Variants in SORCS1 observed in about 807,000 individuals in gnomAD.
SORCS1 encodes VPS10 domain-containing receptor SorCS1.
A neutral mutation model predicts 146.1 loss-of-function variants in SORCS1; 60 were observed. That is an observed-to-expected ratio of 0.41 (90% CI 0.33 to 0.51). SORCS1 has a LOEUF of 0.51. Among genes scored for constraint, SORCS1 ranks in the 20% least tolerant of loss-of-function variants. SORCS1 has a pLI of 0.21. For missense variants in SORCS1, 1,352 were observed against 1,487.6 expected, an observed-to-expected ratio of 0.91 and a Z score of 1.50; for synonymous variants, 637 against 584.0, an observed-to-expected ratio of 1.09 and a Z score of -1.31.
rs574963377 is a variant in SORCS1, at chr10:106,622,694, T to C, written c.2663-2133A>G. Among the ~76,000 whole-genome samples the C allele has an allele frequency of 1.2e-4, 18 of 152,338 alleles. No homozygotes were observed. The South Asian group carries it at 2.7e-3, about 23-fold the overall frequency. ...TTACTGAGCGATGACTACAACTAAA[T>C]GTTCTGCTAACGACTCTGTTTTTCT... On this transcript the variant is annotated intron_variant, in intron 19 of 25. Coordinates refer to ENST00000263054, the MANE Select transcript of SORCS1 (RefSeq NM_052918.5).
intron 2 of SORCS1, among the ~76,000 whole-genome samples, chr10:106,928,412 C>A (rs1953198884): frequency 6.6e-6 from 1 of 152,220 alleles, no homozygotes; most frequent in African/African-American, 2.4e-5. Flanking sequence ...AAGCCCGCGC[C>A]CACCCGGAAC....
intron 23 of SORCS1, among the ~76,000 whole-genome samples, chr10:106,598,080 A>G (rs1387586903): frequency 1.3e-5 from 2 of 152,068 alleles, no homozygotes; most frequent in South Asian, 2.1e-4. Context: ...GCACGGGGCA[A>G]ATAACTTCAT....
At chr10:106,780,026 C>G (rs561019674) in intron 3 of SORCS1, among the ~76,000 whole-genome samples, 14 of 151,986 alleles carry the variant, frequency 9.2e-5, no homozygotes, top group South Asian at 8.3e-4. Flanking sequence ...GTTTGTCCTA[C>G]CATTTTATCA....
intron 2 of SORCS1, among the ~76,000 whole-genome samples, chr10:106,907,789 TG>T (rs1360439826): frequency 1.3e-5 from 2 of 151,694 alleles, no homozygotes; most frequent in African/African-American, 4.8e-5. Context: ...TAGCCAGGCA[TG>T]GTGGTGCGCA....
chr10:106,603,206 G>A (rs1204269325), intron 23 of SORCS1, among the ~76,000 whole-genome samples: 4 of 152,078 alleles, frequency 2.6e-5, no homozygotes, highest in Non-Finnish European at 4.4e-5. Context: ...TGAGGACTCC[G>A]AGGGGAGCAA....
intron 1 of SORCS1, among the ~76,000 whole-genome samples, chr10:107,150,040 A>T (rs1430454588): frequency 6.6e-6 from 1 of 152,218 alleles, no homozygotes; most frequent in Non-Finnish European, 1.5e-5. Flanking sequence ...CTTTGCTCCC[A>T]TAGCACTTTG....
At chr10:106,714,135 CAAAAAAAAA>C (rs56275056) in intron 6 of SORCS1, among the ~76,000 whole-genome samples, 28 of 53,094 alleles carry the variant, frequency 5.3e-4, no homozygotes, top group African/African-American at 1.5e-3. Flanking sequence ...AACTCTGCCT[CAAAAAAAAA>C]AAAAAAAAAA....
intron 24 of SORCS1, among the ~76,000 whole-genome samples, chr10:106,591,162 G>A (rs892241132): frequency 1.3e-5 from 2 of 152,180 alleles, no homozygotes; most frequent in Non-Finnish European, 1.5e-5. Flanking sequence ...CCAGTGGCCA[G>A]AGCAATAAAA....
intron 2 of SORCS1, among the ~76,000 whole-genome samples, chr10:106,903,148 C>A (rs1182522460): frequency 1.3e-5 from 2 of 152,196 alleles, no homozygotes; most frequent in East Asian, 3.8e-4. Flanking sequence ...TTGCCTAATT[C>A]ATCCTCCAAA....
intron 2 of SORCS1, 137 bp downstream of exon 2, chr10:106,956,376 G>C: frequency 2.8e-6 from 2 of 724,484 alleles, no homozygotes; most frequent in Non-Finnish European, 4.6e-6. Context: ...ATCACTAAAG[G>C]AAACAGAGAA....
At chr10:107,133,456 G>T (rs566853039) in intron 1 of SORCS1, among the ~76,000 whole-genome samples, 1 of 152,096 alleles carries the variant, frequency 6.6e-6, no homozygotes, top group Non-Finnish European at 1.5e-5. Flanking sequence ...GTAGAATGCC[G>T]GAGAAGGTCA....
At chr10:106,997,466 G>A (rs1957046089) in intron 1 of SORCS1, among the ~76,000 whole-genome samples, 1 of 152,064 alleles carries the variant, frequency 6.6e-6, no homozygotes, top group African/African-American at 2.4e-5. Context: ...TGCTGCTACA[G>A]AACAATTCTC....
intron 18 of SORCS1, among the ~76,000 whole-genome samples, chr10:106,636,433 T>C (rs1432871334): frequency 3.3e-5 from 5 of 152,186 alleles, no homozygotes; most frequent in Non-Finnish European, 4.4e-5. Context: ...CACACTGCTA[T>C]AAAGAACTGC....
At chr10:107,101,424 A>G (rs1202210859) in intron 1 of SORCS1, among the ~76,000 whole-genome samples, 1 of 152,194 alleles carries the variant, frequency 6.6e-6, no homozygotes, top group Non-Finnish European at 1.5e-5. Flanking sequence ...TGTATCAACC[A>G]AAGTTCACAG....
chr10:106,836,956 A>T (rs531187730), intron 2 of SORCS1, among the ~76,000 whole-genome samples: 1 of 152,336 alleles, frequency 6.6e-6, no homozygotes, highest in East Asian at 1.9e-4. Flanking sequence ...AACTGGAATT[A>T]GTCACTCACT....
rs116803660 is a variant in SORCS1 at position 106,862,213 on chromosome 10, T to C, written c.627-32540A>G. ...GTGAAAAGTTAAACTTATGGATAAATATCATCCCCAAATCACTGGAGACAT... is the reference window on the plus strand; with the variant it reads ...GTGAAAAGTTAAACTTATGGATAAACATCATCCCCAAATCACTGGAGACAT... On this transcript the variant is annotated intron_variant, in intron 2 of 25. Coordinates refer to ENST00000263054, the MANE Select transcript of SORCS1 (RefSeq NM_052918.5). Among the ~76,000 whole-genome samples the C allele has an allele frequency of 9.3e-3, 1,418 of 152,260 alleles. 28 individuals carry two copies. Among genetic ancestry groups the C allele is most frequent in the African/African-American group, 0.033 (1,352 of 41,566 alleles).
intron 1 of SORCS1, among the ~76,000 whole-genome samples, chr10:107,020,349 T>C (rs1958076495): frequency 6.6e-6 from 1 of 152,216 alleles, no homozygotes; most frequent in African/African-American, 2.4e-5. Context: ...TCAAATCTGA[T>C]ACCCAAAAGT....
chr10:107,029,885 G>A (rs906606811), intron 1 of SORCS1, among the ~76,000 whole-genome samples: 1 of 152,182 alleles, frequency 6.6e-6, no homozygotes, highest in Admixed American at 6.5e-5. Flanking sequence ...ATTCTAGGTA[G>A]AGGGAACAGT....
intron 2 of SORCS1, among the ~76,000 whole-genome samples, chr10:106,913,443 G>A (rs1377020275): frequency 6.6e-6 from 1 of 152,164 alleles, no homozygotes; most frequent in East Asian, 1.9e-4. Context: ...ATTTTCATGT[G>A]GAGGCGATAG....
Sources: gnomAD v4.1 joint callset for allele counts (sites outside exome capture counted in the v4.1 genomes callset) on GRCh38, gnomAD v4.1.1 for gene constraint, MANE v1.5 for transcripts, NCBI Gene and HGNC (gene_info 2026-07-23, HGNC 2026-07-21) for gene names.